The following LRP1B variants were observed in gnomAD, a reference collection of about 807,000 sequenced individuals.
LRP1B encodes the protein LDL receptor related protein 1B, also known as low-density lipoprotein receptor-related protein 1B.
LRP1B carries 217 observed loss-of-function variants against 556.6 expected under a neutral mutation model. The observed-to-expected ratio is 0.39, with a 90% CI of 0.35 to 0.44. LRP1B has a LOEUF of 0.44. Among genes scored for constraint, LRP1B ranks in the 20% least tolerant of loss-of-function variants. The pLI is 1.00. For synonymous variants in LRP1B, 2,047 were observed against 1,865.8 expected (o/e 1.10, Z -2.50); for missense variants, 5,053 against 5,620.8 (o/e 0.90, Z 3.23).
In LRP1B at chr2:141,013,643, C is replaced by T. The variant is rs2105385595; in HGVS notation, c.2293G>A (p.Asp765Asn). ...DYMNGSIFQL[D>N]LITSEVTLLR... ...AATGTCACCTCACTTGTTATCAAAT[C>T]TAGTTGAAAAATGGAACCATTCATA... Residue 765 changes from aspartate (D) to asparagine (N), a missense_variant, in exon 14 of 91, where the codon GAT becomes AAT. Asp to Asn is a conservative substitution (Grantham distance 23). This residue lies in a region of LRP1B where 3,619 missense variants were observed against 3,931.9 expected (regional missense o/e 0.92). Transcript: ENST00000389484. The T allele has an allele frequency of 6.2e-7, 1 of 1,612,398 alleles. No homozygotes were observed. The highest frequency in any genetic ancestry group is 8.5e-7 in the Non-Finnish European group (1 of 1,179,036).
intron 2 of LRP1B, among the ~76,000 whole-genome samples, chr2:141,688,427 A>G (rs534018185): frequency 6.6e-6 from 1 of 151,884 alleles, no homozygotes; most frequent in South Asian, 2.1e-4. Flanking sequence ...TTAATATCAC[A>G]TATTTTTAAA....
intron 31 of LRP1B, among the ~76,000 whole-genome samples, chr2:140,818,575 C>A (rs943494538): frequency 1.3e-5 from 2 of 152,126 alleles, no homozygotes; most frequent in Non-Finnish European, 2.9e-5. Flanking sequence ...GAGAAGGATT[C>A]ACTATTAGGC....
chr2:141,858,626 A>G (rs189526775), intron 1 of LRP1B, among the ~76,000 whole-genome samples: 4 of 151,044 alleles, frequency 2.6e-5, no homozygotes, highest in Non-Finnish European at 5.9e-5. Flanking sequence ...TTTAATTTGG[A>G]TATTGACTTA....
At chr2:141,857,185 A>G (rs1314474663) in intron 1 of LRP1B, among the ~76,000 whole-genome samples, 2 of 151,842 alleles carry the variant, frequency 1.3e-5, no homozygotes, top group Non-Finnish European at 2.9e-5. Flanking sequence ...TATAAAGTCA[A>G]CCTTCATTAT....
chr2:140,669,272 A>C (rs1210950576), intron 41 of LRP1B, among the ~76,000 whole-genome samples: 5 of 152,336 alleles, frequency 3.3e-5, no homozygotes, highest in Admixed American at 6.5e-5. Flanking sequence ...ATATTTTTAC[A>C]AACCAAAAAG....
At chr2:141,541,762 T>C (rs756249335) in intron 2 of LRP1B, among the ~76,000 whole-genome samples, 8 of 152,046 alleles carry the variant, frequency 5.3e-5, no homozygotes, top group Non-Finnish European at 7.4e-5. Flanking sequence ...TGTAATCTAA[T>C]AGAATACATA....
At chr2:141,050,437 G>A (rs910342244) in intron 10 of LRP1B, among the ~76,000 whole-genome samples, 9 of 151,922 alleles carry the variant, frequency 5.9e-5, no homozygotes, top group African/African-American at 1.9e-4. Flanking sequence ...CCTATCAACC[G>A]GTCATCTAGG....
At chr2:142,099,793 C>T (rs1441271798) in intron 1 of LRP1B, among the ~76,000 whole-genome samples, 1 of 151,738 alleles carries the variant, frequency 6.6e-6, no homozygotes, top group Non-Finnish European at 1.5e-5. Context: ...AATATAGTAC[C>T]CCTCAGAATT....
chr2:141,865,838 G>A (rs909120602), intron 1 of LRP1B, among the ~76,000 whole-genome samples: 3 of 152,290 alleles, frequency 2.0e-5, no homozygotes, highest in South Asian at 2.1e-4. Context: ...GGAAGGATGT[G>A]GTAGAGCTGG....
rs145881818 is a variant in LRP1B, at chr2:141,792,541, A to G, written c.205+17738T>C. Among the ~76,000 whole-genome samples, 1,097 of 152,168 alleles carry G rather than the reference A, an allele frequency of 7.2e-3. 13 individuals are homozygous for G. The highest frequency in any genetic ancestry group is 0.026 in the African/African-American group (1,063 of 41,548). On this transcript the variant is annotated intron_variant, in intron 2 of 90. Coordinates refer to ENST00000389484, the MANE Select transcript of LRP1B (RefSeq NM_018557.3). ...TATAGTATAGTTTGACTGCAGACAT[A>G]CATGATGTGCTGGGGCAATATTAAT...
chr2:141,843,827 C>A (rs1451949070), intron 1 of LRP1B, among the ~76,000 whole-genome samples: 2 of 152,112 alleles, frequency 1.3e-5, no homozygotes, highest in African/African-American at 2.4e-5. Context: ...CACTGGCCTC[C>A]TTGCTGAGGC....
rs1342192459 is a variant in LRP1B, at chr2:140,302,630, TAAGA to T, written c.12806-4665_12806-4662del. Among the ~76,000 whole-genome samples the T allele has an allele frequency of 4.6e-5, 7 of 152,282 alleles. No homozygotes were observed. The South Asian group carries it at 8.3e-4, about 18-fold the overall frequency. Reference sequence around the variant, plus strand: ...TTGGCATTGGAATCAGCAGACCAAGTAAGAAAGATATTTCCTCACCAGTGTGGGT... The same window carrying T: ...TTGGCATTGGAATCAGCAGACCAAGTAAGATATTTCCTCACCAGTGTGGGT... On this transcript the variant is annotated intron_variant, in intron 83 of 90. Transcript: ENST00000389484.
rs538526862 is a variant in LRP1B at position 141,501,449 on chromosome 2, G to A, written c.206-20916C>T. ...ACATGAAAAGAAAATACAGCAGCCT[G>A]TAAATAGCTTCCAGTGTCCAATCAA... On this transcript the variant is annotated intron_variant, in intron 2 of 90. Coordinates refer to ENST00000389484, the MANE Select transcript of LRP1B (RefSeq NM_018557.3). Among the ~76,000 whole-genome samples, 6 of 152,236 alleles carry A rather than the reference G, an allele frequency of 3.9e-5. No individual in the cohort carries two copies. The South Asian group carries it at 1.2e-3, about 32-fold the overall frequency.
At chr2:141,799,507 TG>T (rs1002876194) in intron 2 of LRP1B, among the ~76,000 whole-genome samples, 30 of 152,204 alleles carry the variant, frequency 2.0e-4, no homozygotes, top group Admixed American at 1.9e-3. Flanking sequence ...AATGTGCCCT[TG>T]GTCCTAAAAC....
At chr2:140,366,456 G>A (rs1454756932) in intron 71 of LRP1B, among the ~76,000 whole-genome samples, 2 of 151,706 alleles carry the variant, frequency 1.3e-5, no homozygotes, top group Non-Finnish European at 2.9e-5. Flanking sequence ...GGATAAATAT[G>A]TCTGAAATAT....
At chr2:140,524,150 T>C (rs549812304) in intron 49 of LRP1B, among the ~76,000 whole-genome samples, 87 of 151,546 alleles carry the variant, frequency 5.7e-4, no homozygotes, top group African/African-American at 2.1e-3. Flanking sequence ...ATAACCCCAT[T>C]AAAAATGGGT....
chr2:140,285,932 C>A (rs1309598253), intron 84 of LRP1B, among the ~76,000 whole-genome samples: 1 of 151,716 alleles, frequency 6.6e-6, no homozygotes. Context: ...GCTTTTGAAG[C>A]CTCTGACCTT....
At chr2:142,127,379 C>CATCCATCT (rs1707693026) in intron 1 of LRP1B, among the ~76,000 whole-genome samples, 1 of 151,068 alleles carries the variant, frequency 6.6e-6, no homozygotes, top group Admixed American at 6.6e-5. Flanking sequence ...TCCATCCATC[C>CATCCATCT]ATCCATCCAT....
chr2:142,100,180 C>T (rs574974334), intron 1 of LRP1B, among the ~76,000 whole-genome samples: 6 of 151,832 alleles, frequency 4.0e-5, no homozygotes, highest in Admixed American at 6.6e-5. Context: ...ATTAGATCTA[C>T]GTTTGAAACC....
Sources: gnomAD v4.1 joint callset for allele counts (sites outside exome capture counted in the v4.1 genomes callset) on GRCh38, gnomAD v4.1.1 for gene constraint, gnomAD v4.1.1 regional missense constraint, MANE v1.5 for transcripts, NCBI Gene and HGNC (gene_info 2026-07-23, HGNC 2026-07-21) for gene names.